Variants in PDCD6IP observed in about 807,000 individuals in gnomAD.
PDCD6IP encodes programmed cell death 6-interacting protein.
PDCD6IP carries 43 observed loss-of-function variants against 103.7 expected under a neutral mutation model. That is an observed-to-expected ratio of 0.41 (90% CI 0.32 to 0.53). The LOEUF is 0.53. Among genes scored for constraint, PDCD6IP ranks in the 20% least tolerant of loss-of-function variants. PDCD6IP has a pLI of 0.16. For synonymous variants in PDCD6IP, 354 were observed against 378.7 expected (o/e 0.93, Z 0.76); for missense variants, 871 against 1,036.7 (o/e 0.84, Z 2.20).
chr3:33,798,728 C>T lies in PDCD6IP; in HGVS notation c.-1C>T, dbSNP rs1185509276. On this transcript the variant is annotated 5_prime_UTR_variant, in exon 1 of 18. Coordinates refer to ENST00000307296, the MANE Select transcript of PDCD6IP (RefSeq NM_013374.6). Reference sequence around the variant, plus strand: ...CCCGAACGGCGGCGGAGGCGCTGATCATGGCGACATTCATCTCGGTGCAGC... The same window carrying T: ...CCCGAACGGCGGCGGAGGCGCTGATTATGGCGACATTCATCTCGGTGCAGC... The T allele has an allele frequency of 6.4e-7, 1 of 1,554,398 alleles. No homozygotes were observed. Among genetic ancestry groups the T allele is most frequent in the Non-Finnish European group, 8.7e-7 (1 of 1,147,036 alleles).
chr3:33,811,378 T>TG (rs550657893), intron 1 of PDCD6IP, among the ~76,000 whole-genome samples: 11 of 152,200 alleles, frequency 7.2e-5, no homozygotes, highest in African/African-American at 2.6e-4. Flanking sequence ...ATACCCCTGA[T>TG]GAAGGGGTGG....
At chr3:33,855,121 A>C (rs1268167652) in intron 14 of PDCD6IP, 45 bp from the exon 15 acceptor site, 1 of 1,243,554 alleles carries the variant, frequency 8.0e-7, no homozygotes, top group Admixed American at 1.7e-5. Context: ...CTCTGGATTA[A>C]AAAATTGTTC....
intron 15 of PDCD6IP, among the ~76,000 whole-genome samples, chr3:33,859,745 T>C (rs984716099): frequency 3.3e-5 from 5 of 152,188 alleles, no homozygotes; most frequent in African/African-American, 1.2e-4. Flanking sequence ...GGTGCAATCC[T>C]TGTGTTGGGC....
At chr3:33,835,672 C>T (rs116346380) in intron 7 of PDCD6IP, among the ~76,000 whole-genome samples, 8,452 of 151,986 alleles carry the variant, frequency 0.056, 766 homozygotes, top group African/African-American at 0.19. Context: ...GAGCCGAGAT[C>T]GCGCCACTGT....
chr3:33,869,249 T>C lies in PDCD6IP; in HGVS notation c.*2724T>C, dbSNP rs781032476. 5.9e-5 allele frequency: 9 copies of C among 152,168 alleles called. No homozygotes were observed. Among genetic ancestry groups the C allele is most frequent in the Non-Finnish European group, 1.3e-4 (9 of 68,026 alleles). 9.4% of individuals were successfully genotyped at this position (152,168 alleles called of 1,614,324 possible). On this transcript the variant is annotated 3_prime_UTR_variant, in exon 18 of 18. Transcript: ENST00000307296. ...GTGGGTTTCAGTTTGCTAATAGGGA[T>C]TTTTTGTGTTTTGTTTTTTAATTTT...
At chr3:33,841,728 G>A (rs576459214) in intron 9 of PDCD6IP, among the ~76,000 whole-genome samples, 169 bp from the exon 10 acceptor site, 7 of 152,184 alleles carry the variant, frequency 4.6e-5, no homozygotes, top group African/African-American at 1.4e-4. Context: ...GTGAGCCACC[G>A]CGCCCGGCCT....
Position 33,865,336 on chromosome 3 carries a change from G to A in PDCD6IP, c.2338G>A (p.Gly780Arg), listed in dbSNP as rs1410196545. ...TACTGCTCCATCTCCAGTGGGGGCT[G>A]GGACTGCTGCGCCAGCTCCATCACA... ...SATAPSPVGAGTAAPAPSQTP... is the reference protein window; with the variant it reads ...SATAPSPVGARTAAPAPSQTP... Residue 780 changes from glycine (G) to arginine (R), a missense_variant, in exon 17 of 18, where the codon GGG becomes AGG. Physicochemically the swap from Gly to Arg is moderately radical, Grantham distance 125 (BLOSUM62 -2). Around this residue, in one of 5 missense-constraint regions of PDCD6IP, gnomAD observed 202 missense variants for 205.2 expected, o/e 0.98. Transcript: ENST00000307296. The A allele has an allele frequency of 6.3e-7, 1 of 1,598,656 alleles. No individual in the cohort carries two copies. The highest frequency in any genetic ancestry group is 8.5e-7 in the Non-Finnish European group (1 of 1,173,272).
At chr3:33,866,006 G>C (rs1698055170) in intron 17 of PDCD6IP, among the ~76,000 whole-genome samples, 1 of 152,124 alleles carries the variant, frequency 6.6e-6, no homozygotes. Flanking sequence ...AGTGAATATT[G>C]AATATTGTGG....
Position 33,854,058 on chromosome 3 carries a change from G to A in PDCD6IP, c.2025+45G>A, listed in dbSNP as rs779022168. On this transcript the variant is annotated intron_variant, in intron 14 of 17. Transcript: ENST00000307296. ...GGAACCATAGCTAGCAAGTACAGAT[G>A]TGAACGCATAGTTTGGAAGTTAAGT... The A allele has an allele frequency of 4.0e-6, 6 of 1,518,122 alleles. No individual in the cohort carries two copies. The African/African-American group carries it at 5.8e-5, about 15-fold the overall frequency. The allele number at this position is 1,518,122 out of a possible 1,614,324, so 94.0% of individuals were successfully genotyped here.
rs544985221 is a variant in PDCD6IP at position 33,820,425 on chromosome 3, A to G, written c.335-1530A>G. On this transcript the variant is annotated intron_variant, in intron 3 of 17. Coordinates refer to ENST00000307296, the MANE Select transcript of PDCD6IP (RefSeq NM_013374.6). ...CTGCATTTAAAAAAAATTTCACAAC[A>G]TGAAATTTATTATCTTAATCATTTT... 4.8e-4 allele frequency among the ~76,000 whole-genome samples: 73 copies of G among 152,292 alleles called. 1 individual carries two copies. In the South Asian group the frequency reaches 0.015, roughly 32 times the overall value.
At chr3:33,850,422 T>G (rs1697688554) in intron 12 of PDCD6IP, among the ~76,000 whole-genome samples, 1 of 152,174 alleles carries the variant, frequency 6.6e-6, no homozygotes, top group Non-Finnish European at 1.5e-5. Context: ...GAAGCCTCAT[T>G]CCTTTTCCCT....
At chr3:33,811,176 T>G (rs1696709852) in intron 1 of PDCD6IP, 1 of 288,500 alleles carries the variant, frequency 3.5e-6, no homozygotes, top group Non-Finnish European at 7.2e-6. Flanking sequence ...TGATCTGCTG[T>G]GCCTGGCCCT....
intron 1 of PDCD6IP, among the ~76,000 whole-genome samples, chr3:33,802,042 T>G (rs1003761848): frequency 6.6e-6 from 1 of 152,226 alleles, no homozygotes; most frequent in Non-Finnish European, 1.5e-5. Flanking sequence ...TAAGATTTTA[T>G]TTTGTAAAAA....
At chr3:33,837,942 A>G (rs555921461) in intron 8 of PDCD6IP, among the ~76,000 whole-genome samples, 1 of 152,360 alleles carries the variant, frequency 6.6e-6, no homozygotes, top group East Asian at 1.9e-4. Context: ...CCTCAAACTC[A>G]GTGATGAACA....
intron 15 of PDCD6IP, among the ~76,000 whole-genome samples, chr3:33,856,634 A>G (rs372773146): frequency 1.3e-5 from 2 of 151,912 alleles, no homozygotes; most frequent in Admixed American, 6.5e-5. Flanking sequence ...AGGATATCAT[A>G]TGGTAGGGGA....
chr3:33,837,532 A>C (rs528967633), intron 8 of PDCD6IP, among the ~76,000 whole-genome samples: 1 of 152,042 alleles, frequency 6.6e-6, no homozygotes, highest in South Asian at 2.1e-4. Flanking sequence ...TCAAGGTCAC[A>C]TAGCTAGGAA....
chr3:33,855,418 A>G, intron 15 of PDCD6IP, 158 bp downstream of exon 15: 1 of 476,542 alleles, frequency 2.1e-6, no homozygotes, highest in East Asian at 3.5e-5. Context: ...ACAAGTAAAC[A>G]GCTGCATAAT....
At chr3:33,815,610 A>C (rs985093761) in intron 3 of PDCD6IP, among the ~76,000 whole-genome samples, 10 of 152,196 alleles carry the variant, frequency 6.6e-5, no homozygotes, top group African/African-American at 2.4e-4. Context: ...AGTGTGTGCA[A>C]GTTACAGAAG....
rs1698117680 is a variant in PDCD6IP, at chr3:33,868,574, C to T, written c.*2049C>T. ...ACCCTTTCCCTCTTGTCAGTTCACT[C>T]ATCCTTTGGTTTCTTTTTAATCACC... On this transcript the variant is annotated 3_prime_UTR_variant, in exon 18 of 18. Coordinates refer to ENST00000307296, the MANE Select transcript of PDCD6IP (RefSeq NM_013374.6). 1 of 152,464 alleles carries T rather than the reference C, an allele frequency of 6.6e-6. No individual in the cohort carries two copies. Among genetic ancestry groups the T allele is most frequent in the South Asian group, 2.1e-4 (1 of 4,830 alleles). The allele number at this position is 152,464 out of a possible 1,614,324, so 9.4% of individuals were successfully genotyped here. A position where few individuals can be genotyped will look rare whatever the true frequency, so the allele number is the denominator to read the frequency against.
Sources: allele counts gnomAD v4.1 joint callset (sites outside exome capture counted in the v4.1 genomes callset), GRCh38; gene constraint gnomAD v4.1.1; regional missense constraint gnomAD v4.1.1; transcripts MANE v1.5; gene names NCBI Gene and HGNC (gene_info 2026-07-23, HGNC 2026-07-21).